PRMT8: variants seen among roughly 807,000 people sequenced by gnomAD.
PRMT8 encodes protein arginine N-methyltransferase 8.
In PRMT8, 7 loss-of-function variants were observed where a neutral mutation model predicts 47.1. That is an observed-to-expected ratio of 0.15 (90% CI 0.08 to 0.28). The LOEUF (loss-of-function observed/expected upper bound fraction) is 0.28, where lower values mean the gene tolerates loss of function less well. Ranked by LOEUF, PRMT8 falls within the 10% of genes least tolerant of loss-of-function variation. The probability of loss-of-function intolerance (pLI) is 1.00; values close to 1 mark genes in which losing one functional copy is unlikely to be tolerated. For missense variants in PRMT8, 237 were observed against 505.4 expected (o/e 0.47, Z 5.09); for synonymous variants, 188 against 186.5 (o/e 1.01, Z -0.07).
At chr12:3,504,965 C>G (rs1391223776) in intron 1 of PRMT8, among the ~76,000 whole-genome samples, 1 of 104,526 alleles carries the variant, frequency 9.6e-6, no homozygotes, top group Non-Finnish European at 2.0e-5. Context: ...ACCCGATTTT[C>G]CAGGTGCGTC....
chr12:3,421,315 T>G (rs900212658), intron 1 of PRMT8, among the ~76,000 whole-genome samples: 4 of 152,200 alleles, frequency 2.6e-5, no homozygotes, highest in African/African-American at 9.6e-5. Flanking sequence ...TGCTCCAGCC[T>G]CGGCTTCCTC....
intron 9 of PRMT8, among the ~76,000 whole-genome samples, chr12:3,592,749 G>A (rs932400032): frequency 1.3e-5 from 2 of 152,146 alleles, no homozygotes; most frequent in Admixed American, 6.5e-5. Context: ...TGGCACTTTC[G>A]GGGCAGCCCC....
chr12:3,512,677 A>T (rs1454467372), intron 1 of PRMT8, among the ~76,000 whole-genome samples: 1 of 152,220 alleles, frequency 6.6e-6, no homozygotes. Flanking sequence ...GCCCTAGATC[A>T]GCACTCATTA....
At chr12:3,449,186 T>C (rs1038715246) in intron 1 of PRMT8, among the ~76,000 whole-genome samples, 1 of 152,238 alleles carries the variant, frequency 6.6e-6, no homozygotes, top group Admixed American at 6.5e-5. Context: ...TGAATGGTGC[T>C]GCAGTGAATA....
chr12:3,467,239 C>CAAAAAAAAAAAAA (rs10694948), intron 1 of PRMT8, among the ~76,000 whole-genome samples: 1 of 48,818 alleles, frequency 2.0e-5, no homozygotes, highest in Non-Finnish European at 3.1e-5. Context: ...GACTCCATCT[C>CAAAAAAAAAAAAA]AAAAAAAAAA....
intron 1 of PRMT8, among the ~76,000 whole-genome samples, chr12:3,446,634 T>C (rs1278972032): frequency 6.6e-6 from 1 of 152,232 alleles, no homozygotes; most frequent in Non-Finnish European, 1.5e-5. Flanking sequence ...AGGTTTCTTC[T>C]GCCATCCACC....
intron 1 of PRMT8, among the ~76,000 whole-genome samples, chr12:3,494,939 T>C (rs933159312): frequency 6.6e-6 from 1 of 152,164 alleles, no homozygotes; most frequent in African/African-American, 2.4e-5. Context: ...CACGCAATAG[T>C]GTTAGTTCCA....
In PRMT8 at chr12:3,593,399, G is replaced by A. The variant is rs1346430775; in HGVS notation, c.*217G>A. 9.3e-6 allele frequency: 5 copies of A among 539,528 alleles called. No homozygotes were observed. In the African/African-American group the frequency reaches 9.7e-5, roughly 10 times the overall value. 33.4% of individuals were successfully genotyped at this position (539,528 alleles called of 1,614,324 possible). ...CTCTGCCCTGGTAGCCCTTCACGAA[G>A]GCTTTGTGTTGCCAACAAAGAGCGA... On this transcript the variant is annotated 3_prime_UTR_variant, in exon 10 of 10. Transcript: ENST00000382622. The surrounding 1 kb of genome is among the most constrained non-coding windows in gnomAD (Gnocchi z 4.8).
At position 3,583,354 on chromosome 12, in the gene PRMT8, G is replaced by A. The variant is rs1867108861; in HGVS notation, c.979+146G>A. ...CTATCAACCCTCTCCAGCCATGGAG[G>A]AACCATGCATCCCTATATTTGTGCT... On this transcript the variant is annotated intron_variant, in intron 8 of 9. Coordinates refer to ENST00000382622, the MANE Select transcript of PRMT8 (RefSeq NM_019854.5). This position sits in a 1 kb window ranked among gnomAD's most constrained non-coding sequence, Gnocchi z 4.7. 7.0e-6 allele frequency: 6 copies of A among 856,146 alleles called. No homozygotes were observed. Among genetic ancestry groups the A allele is most frequent in the Admixed American group, 2.9e-5 (1 of 34,122 alleles). 53.0% of individuals were successfully genotyped at this position (856,146 alleles called of 1,614,324 possible).
chr12:3,581,400 T>C (rs1867063238), intron 7 of PRMT8, among the ~76,000 whole-genome samples: 1 of 152,156 alleles, frequency 6.6e-6, no homozygotes, highest in Non-Finnish European at 1.5e-5. Flanking sequence ...AAGGACCTAA[T>C]GACTGGAGAT....
At chr12:3,518,169 C>A (rs895329883) in intron 1 of PRMT8, among the ~76,000 whole-genome samples, 1 of 152,024 alleles carries the variant, frequency 6.6e-6, no homozygotes, top group Non-Finnish European at 1.5e-5. Context: ...ACAGGAAAGT[C>A]GGAGGAAGAG....
At chr12:3,592,472 G>C (rs1369071707) in intron 9 of PRMT8, 120 bp downstream of exon 9, 1 of 1,091,214 alleles carries the variant, frequency 9.2e-7, no homozygotes, top group Non-Finnish European at 1.3e-6. Context: ...ACTGAGGCAG[G>C]CAGTCGGTAG....
At chr12:3,523,571 A>G (rs553593416) in intron 1 of PRMT8, among the ~76,000 whole-genome samples, 1 of 152,324 alleles carries the variant, frequency 6.6e-6, no homozygotes, top group South Asian at 2.1e-4. Flanking sequence ...AAAAGTTAAG[A>G]CTGAATATGG....
Position 3,448,647 on chromosome 12 carries a change from TATCCCCTGG to T in PRMT8, c.48+67207_48+67215del, listed in dbSNP as rs1864883811. Among the ~76,000 whole-genome samples, 7 of 152,332 alleles carry T rather than the reference TATCCCCTGG, an allele frequency of 4.6e-5. 1 individual carries two copies. In the South Asian group the frequency reaches 1.5e-3, roughly 32 times the overall value. ...CTTTGATAACCAAAAAGTCGCCTGA[TATCCCCTGG>T]ACAGATGGAGAGAGAGAAAAACATC... On this transcript the variant is annotated intron_variant, in intron 1 of 9. Coordinates refer to the PRMT8 transcript ENST00000452611.
At chr12:3,540,832 CTCTGCTGTTCTGT>C (rs1328318745) in intron 2 of PRMT8, 41 bp downstream of exon 2, 1 of 1,576,988 alleles carries the variant, frequency 6.3e-7, no homozygotes, top group African/African-American at 1.3e-5. Context: ...GCGAGGCTGA[CTCTGCTGTTCTGT>C]TGTTTTCAGA....
chr12:3,576,762 C>A lies in PRMT8; in HGVS notation c.713-109C>A. On this transcript the variant is annotated intron_variant, in intron 6 of 9. Transcript: ENST00000382622. The surrounding 1 kb of genome is among the most constrained non-coding windows in gnomAD (Gnocchi z 4.0). ...CTGCCTCTATTTCGATGCAAGGGAACTCGAGCTGCCACTCAGCCCTCAGGC... is the reference window on the plus strand; with the variant it reads ...CTGCCTCTATTTCGATGCAAGGGAAATCGAGCTGCCACTCAGCCCTCAGGC... 1.3e-6 allele frequency: 1 copy of A among 786,404 alleles called. No homozygotes were observed. The highest frequency in any genetic ancestry group is 2.2e-6 in the Non-Finnish European group (1 of 462,198). 48.7% of individuals were successfully genotyped at this position (786,404 alleles called of 1,614,324 possible).
intron 1 of PRMT8, among the ~76,000 whole-genome samples, chr12:3,461,715 T>C (rs1377037913): frequency 6.7e-6 from 1 of 150,226 alleles, no homozygotes; most frequent in Non-Finnish European, 1.5e-5. Flanking sequence ...GGGCCATTCG[T>C]TTATTTACTC....
intron 4 of PRMT8, among the ~76,000 whole-genome samples, 173 bp downstream of exon 4, chr12:3,553,887 G>A (rs376115146): frequency 1.1e-4 from 17 of 152,246 alleles, no homozygotes; most frequent in Admixed American, 6.5e-4. Context: ...TGTTCCCCCC[G>A]ACACCAGGCC....
At chr12:3,536,937 C>G (rs948650980) in intron 1 of PRMT8, among the ~76,000 whole-genome samples, 9 of 152,208 alleles carry the variant, frequency 5.9e-5, no homozygotes, top group Admixed American at 3.9e-4. Flanking sequence ...TGACTCCTAC[C>G]TTTTGTCACT....
Sources: allele counts gnomAD v4.1 joint callset (sites outside exome capture counted in the v4.1 genomes callset), GRCh38; gene constraint gnomAD v4.1.1; non-coding constraint Gnocchi (gnomAD v3.1); transcripts MANE v1.5; gene names NCBI Gene and HGNC (gene_info 2026-07-23, HGNC 2026-07-21).